The following ZHX3 variants were observed in gnomAD, a reference collection of about 807,000 sequenced individuals.
ZHX3 encodes the protein zinc fingers and homeoboxes protein 3.
ZHX3 carries 20 observed loss-of-function variants against 64.5 expected under a neutral mutation model. The ratio of observed to expected loss-of-function variants is 0.31; its 90% CI spans 0.22 to 0.45. ZHX3 has a LOEUF of 0.45. Among genes scored for constraint, ZHX3 ranks in the 20% least tolerant of loss-of-function variants. The pLI, the probability that ZHX3 is intolerant of heterozygous loss-of-function variation, is 1.00. For missense variants in ZHX3, 1,041 were observed against 1,195.8 expected, an observed-to-expected ratio of 0.87 and a Z score of 1.91; for synonymous variants, 423 against 461.6, an observed-to-expected ratio of 0.92 and a Z score of 1.07.
intron 2 of ZHX3, among the ~76,000 whole-genome samples, chr20:41,253,386 A>AT (rs2042084870): frequency 6.6e-6 from 1 of 152,192 alleles, no homozygotes; most frequent in Non-Finnish European, 1.5e-5. Flanking sequence ...ATCACTTATA[A>AT]AAGTTCCAGG....
intron 1 of ZHX3, among the ~76,000 whole-genome samples, chr20:41,282,823 T>C (rs1374986923): frequency 6.6e-6 from 1 of 152,240 alleles, no homozygotes; most frequent in Non-Finnish European, 1.5e-5. Context: ...AAGATAATTA[T>C]TTTGATCAGC....
At chr20:41,230,370 G>C (rs867172244) in intron 2 of ZHX3, among the ~76,000 whole-genome samples, 1 of 152,082 alleles carries the variant, frequency 6.6e-6, no homozygotes. Context: ...CTCTCCTCTT[G>C]TGTTTATCAT....
At position 41,299,787 on chromosome 20, in the gene ZHX3, G is replaced by C. The variant is rs2044725034; in HGVS notation, c.-245+17722C>G. ...TGAGGCAGGAGAATCGCTTGAACCT[G>C]GAAGGCAGAGGTTGCAGTAAGCCAA... On this transcript the variant is annotated intron_variant, in intron 1 of 3. Coordinates refer to ENST00000683867, the MANE Select transcript of ZHX3 (RefSeq NM_001384317.1). 4.0e-5 allele frequency among the ~76,000 whole-genome samples: 6 copies of C among 150,554 alleles called. No individual in the cohort carries two copies. The South Asian group carries it at 1.3e-3, about 32-fold the overall frequency.
At chr20:41,196,076 T>C (rs1385353045) in intron 3 of ZHX3, among the ~76,000 whole-genome samples, 1 of 151,564 alleles carries the variant, frequency 6.6e-6, no homozygotes, top group Non-Finnish European at 1.5e-5. Flanking sequence ...TGTTGGGTGG[T>C]ATTCTGCTTA....
chr20:41,299,001 G>C (rs2044677448), intron 1 of ZHX3, among the ~76,000 whole-genome samples: 1 of 152,102 alleles, frequency 6.6e-6, no homozygotes, highest in Non-Finnish European at 1.5e-5. Flanking sequence ...CTCACCAGTG[G>C]GCATACTGGA....
intron 1 of ZHX3, among the ~76,000 whole-genome samples, chr20:41,296,232 TAAAAAAAAAAAAAA>T (rs57987896): frequency 0.041 from 2,976 of 72,776 alleles, 185 homozygotes; most frequent in East Asian, 0.33. Flanking sequence ...GTTCATAAAG[TAAAAAAAAAAAAAA>T]AAAAAAAAAA....
At position 41,201,408 on chromosome 20, in the gene ZHX3, ATGACT is replaced by A; in HGVS notation, c.2860+644_2860+648del. 2.3e-6 allele frequency: 3 copies of A among 1,293,248 alleles called. No homozygotes were observed. Among genetic ancestry groups the A allele is most frequent in the Non-Finnish European group, 3.1e-6 (3 of 978,886 alleles). 80.1% of individuals were successfully genotyped at this position (1,293,248 alleles called of 1,614,324 possible). A position where few individuals can be genotyped will look rare whatever the true frequency, so the allele number is the denominator to read the frequency against. The stretch of plus-strand genomic sequence containing the variant: ...ACCTAGAAAATCAACACGTAATAAC[ATGACT>A]TGTCTGTGGCTTCAAAACTATGTCT... On this transcript the variant is annotated intron_variant, in intron 3 of 3. Coordinates refer to ENST00000683867, the MANE Select transcript of ZHX3 (RefSeq NM_001384317.1). The surrounding 1 kb of genome is among the most constrained non-coding windows in gnomAD (Gnocchi z 5.0).
At chr20:41,252,640 C>A (rs1000716558) in intron 2 of ZHX3, among the ~76,000 whole-genome samples, 20 of 152,160 alleles carry the variant, frequency 1.3e-4, no homozygotes, top group African/African-American at 4.3e-4. Flanking sequence ...ATATAACATG[C>A]CCAATCCCTT....
chr20:41,279,699 C>T (rs1239924550), intron 1 of ZHX3, among the ~76,000 whole-genome samples: 3 of 152,116 alleles, frequency 2.0e-5, no homozygotes, highest in African/African-American at 7.2e-5. Context: ...ACAGGAAAGA[C>T]ACCATCAGAA....
At chr20:41,209,991 A>AAAAAC (rs2146276807) in intron 2 of ZHX3, among the ~76,000 whole-genome samples, 1 of 152,356 alleles carries the variant, frequency 6.6e-6, no homozygotes, top group Non-Finnish European at 1.5e-5. Flanking sequence ...ACTTAAACAA[A>AAAAAC]TTTACAAGAA....
rs759424985 is a variant in ZHX3 at position 41,202,195 on chromosome 20, C to T, written c.2722G>A (p.Glu908Lys). 1 of 1,614,174 alleles carries T rather than the reference C, an allele frequency of 6.2e-7. No individual in the cohort carries two copies. Among genetic ancestry groups the T allele is most frequent in the South Asian group, 1.1e-5 (1 of 91,078 alleles). The change falls in exon 3 of 4, where the codon GAG becomes AAG. Residue 908 changes from glutamate (E) to lysine (K), a missense_variant. Physicochemically the swap from Glu to Lys is moderately conservative, Grantham distance 56. Transcript: ENST00000683867. The surrounding 1 kb of genome is among the most constrained non-coding windows in gnomAD (Gnocchi z 7.0). Reference sequence around the variant, plus strand: ...ATCCCTTTGTGAACTGCTGTGAGCTCACCAGTACCAGGGCCCTGGTCCTCA... The same window carrying T: ...ATCCCTTTGTGAACTGCTGTGAGCTTACCAGTACCAGGGCCCTGGTCCTCA... ...GSEDQGPGTG[E>K]LTAVHKGMGD...
chr20:41,288,193 T>C (rs905457201), intron 1 of ZHX3, among the ~76,000 whole-genome samples: 4 of 152,194 alleles, frequency 2.6e-5, no homozygotes, highest in African/African-American at 7.2e-5. Context: ...CTAATTTTTG[T>C]ATTTTTTGCA....
At chr20:41,303,169 G>A (rs185285717) in intron 1 of ZHX3, among the ~76,000 whole-genome samples, 10 of 152,340 alleles carry the variant, frequency 6.6e-5, no homozygotes, top group South Asian at 2.1e-4. Flanking sequence ...GATAAGTGGC[G>A]AAGCCAAACT....
intron 2 of ZHX3, among the ~76,000 whole-genome samples, chr20:41,246,889 CAAA>C (rs1284488273): frequency 0.048 from 2,163 of 45,204 alleles, 33 homozygotes; most frequent in African/African-American, 0.27. Context: ...AAAAACCAAA[CAAA>C]CAAACAAACA....
At chr20:41,273,045 T>C (rs542600112) in intron 1 of ZHX3, among the ~76,000 whole-genome samples, 1 of 134,864 alleles carries the variant, frequency 7.4e-6, no homozygotes, top group Admixed American at 6.8e-5. Flanking sequence ...TGTAATTTTG[T>C]TTTTGTTTTG....
At chr20:41,300,210 G>A (rs1441499263) in intron 1 of ZHX3, 2 of 152,172 alleles carry the variant, frequency 1.3e-5, no homozygotes, top group Non-Finnish European at 2.9e-5. Context: ...CTTTGGGATG[G>A]GAGGGTAGGA....
Position 41,312,788 on chromosome 20 carries a change from A to G in ZHX3, c.-245+4721T>C, listed in dbSNP as rs1037696026. On this transcript the variant is annotated intron_variant, in intron 1 of 3. Transcript: ENST00000683867. ...GTTCAATCTGACAAGCATGGCAAACAAGGAGGGGAGCCTGGAGAGGGAGCA... is the reference window on the plus strand; with the variant it reads ...GTTCAATCTGACAAGCATGGCAAACGAGGAGGGGAGCCTGGAGAGGGAGCA... Among the ~76,000 whole-genome samples, 79 of 152,278 alleles carry G rather than the reference A, an allele frequency of 5.2e-4. 1 individual carries two copies. The Middle Eastern group carries it at 0.01, about 20-fold the overall frequency.
At chr20:41,296,953 G>A (rs56061055) in intron 1 of ZHX3, among the ~76,000 whole-genome samples, 3 of 151,972 alleles carry the variant, frequency 2.0e-5, no homozygotes. Flanking sequence ...TGGAGCTAGG[G>A]GTAGTAACAG....
In ZHX3 at chr20:41,179,949, T is replaced by A. The variant is rs1258332179; in HGVS notation, c.*5242A>T. On this transcript the variant is annotated 3_prime_UTR_variant, in exon 4 of 4. Coordinates refer to ENST00000683867, the MANE Select transcript of ZHX3 (RefSeq NM_001384317.1). This position sits in a 1 kb window ranked among gnomAD's most constrained non-coding sequence, Gnocchi z 4.3. ...CCAGCCAAGTCACGTTAATTTTGAATCATCCACTTACGGAAAGGAACAGAA... is the reference window on the plus strand; with the variant it reads ...CCAGCCAAGTCACGTTAATTTTGAAACATCCACTTACGGAAAGGAACAGAA... 6.6e-6 allele frequency: 1 copy of A among 152,570 alleles called. No individual in the cohort carries two copies. Among genetic ancestry groups the A allele is most frequent in the Non-Finnish European group, 1.5e-5 (1 of 68,062 alleles). The allele number at this position is 152,570 out of a possible 1,614,324, so 9.5% of individuals were successfully genotyped here. A position where few individuals can be genotyped will look rare whatever the true frequency, so the allele number is the denominator to read the frequency against.
Sources: gnomAD v4.1 joint callset for allele counts (sites outside exome capture counted in the v4.1 genomes callset) on GRCh38, gnomAD v4.1.1 for gene constraint, Gnocchi (gnomAD v3.1) non-coding constraint, MANE v1.5 for transcripts, NCBI Gene and HGNC (gene_info 2026-07-23, HGNC 2026-07-21) for gene names.